Variants in L1TD1 observed in about 807,000 individuals in gnomAD.
The protein encoded by L1TD1 is LINE1 type transposase domain containing 1.
A neutral mutation model predicts 25.7 loss-of-function variants in L1TD1; 26 were observed. The observed-to-expected ratio is 1.01, with a 90% CI of 0.74 to 1.40. L1TD1 has a LOEUF of 1.40. Among genes scored for constraint, L1TD1 ranks in the 40% most tolerant of loss-of-function variants. L1TD1 has a pLI of 0.00. For missense variants in L1TD1, 1,130 were observed against 975.0 expected, an observed-to-expected ratio of 1.16 and a Z score of -2.12; for synonymous variants, 421 against 335.6, an observed-to-expected ratio of 1.25 and a Z score of -2.78.
chr1:62,203,387 C>T (rs1570924689), intron 2 of L1TD1, among the ~76,000 whole-genome samples: 1 of 152,132 alleles, frequency 6.6e-6, no homozygotes, highest in East Asian at 1.9e-4. Context: ...CATCCACCCA[C>T]CTACTACCCT....
rs1670847469 is a variant in L1TD1, at chr1:62,210,617, G to A, written c.1843G>A (p.Glu615Lys). The change falls in exon 4 of 4, where the codon GAA becomes AAA. Residue 615 changes from glutamate (E) to lysine (K), a missense_variant. Physicochemically the swap from Glu to Lys is moderately conservative, Grantham distance 56. Transcript: ENST00000498273. ...KEADLTEETE[E>K]NLRSSVINSI... The stretch of plus-strand genomic sequence containing the variant: ...AGCAGACTTAACAGAGGAAACAGAA[G>A]AAAACTTGAGAAGTAGTGTGATTAA... 1 of 1,599,168 alleles carries A rather than the reference G, an allele frequency of 6.3e-7. No homozygotes were observed. The highest frequency in any genetic ancestry group is 8.5e-7 in the Non-Finnish European group (1 of 1,172,164).
rs751577233 is a variant in L1TD1 at position 62,207,133 on chromosome 1, G to T, written c.505G>T (p.Glu169Ter). ...ACCCCAGGGTGAATCACGAAGTTAC[G>T]AAGTCATGGGAAGTATGGAAGAAAC... The part of the protein sequence containing the change: ...KLPQGESRSY[E>*]VMGSMEETLC... Residue 169 changes from glutamate (E) to a stop codon, truncating the protein, a stop_gained, in exon 3 of 4, where the codon GAA becomes TAA. Transcript: ENST00000498273. LOFTEE classifies it high-confidence loss of function. 1.1e-5 allele frequency: 17 copies of T among 1,578,898 alleles called. No homozygotes were observed. In the South Asian group the frequency reaches 1.9e-4, roughly 18 times the overall value.
At chr1:62,201,778 ACTCC>A (rs1421410207) in intron 2 of L1TD1, among the ~76,000 whole-genome samples, 1 of 152,100 alleles carries the variant, frequency 6.6e-6, no homozygotes, top group East Asian at 1.9e-4. Flanking sequence ...CATATTCAGT[ACTCC>A]CTGCATTTTA....
At position 62,209,812 on chromosome 1, in the gene L1TD1, A is replaced by G; in HGVS notation, c.1038A>G (p.Arg346=). The change falls in exon 4 of 4, where the codon AGA becomes AGG. Residue 346 remains arginine (R), a synonymous_variant. Transcript: ENST00000498273. ...RDKTLIDSKH[R]AGEITSDGLS... ...AAACCCTAATAGACTCAAAGCATAG[A>G]GCTGGAGAAATAACCAGTGATGGCT... 6.2e-7 allele frequency: 1 copy of G among 1,607,992 alleles called. No individual in the cohort carries two copies. Among genetic ancestry groups the G allele is most frequent in the Non-Finnish European group, 8.5e-7 (1 of 1,176,444 alleles).
chr1:62,204,537 T>C (rs1308426768), intron 2 of L1TD1, among the ~76,000 whole-genome samples: 2 of 152,236 alleles, frequency 1.3e-5, no homozygotes, highest in African/African-American at 2.4e-5. Flanking sequence ...TGCTATCCTT[T>C]TTCCTGATTC....
chr1:62,211,573 G>T lies in L1TD1; in HGVS notation c.*201G>T. The T allele has an allele frequency of 1.3e-6, 1 of 790,124 alleles. No individual in the cohort carries two copies. Among genetic ancestry groups the T allele is most frequent in the Non-Finnish European group, 1.8e-6 (1 of 554,836 alleles). The allele number at this position is 790,124 out of a possible 1,614,324, so 48.9% of individuals were successfully genotyped here. A position where few individuals can be genotyped will look rare whatever the true frequency, so the allele number is the denominator to read the frequency against. The stretch of plus-strand genomic sequence containing the variant: ...AAAAAAATAGGCTGGTCTCAATGTA[G>T]TGAGTTATTTCAGTTGATCACAGTC... On this transcript the variant is annotated 3_prime_UTR_variant, in exon 4 of 4. Transcript: ENST00000498273.
At chr1:62,195,188 G>A (rs919985218) in intron 1 of L1TD1, among the ~76,000 whole-genome samples, 11 of 147,254 alleles carry the variant, frequency 7.5e-5, no homozygotes, top group Non-Finnish European at 1.4e-4. Flanking sequence ...CGCGAAGGGC[G>A]CGGGGTGCCC....
intron 2 of L1TD1, among the ~76,000 whole-genome samples, chr1:62,198,852 T>A (rs543965473): frequency 6.6e-6 from 1 of 152,222 alleles, no homozygotes; most frequent in East Asian, 1.9e-4. Flanking sequence ...TCACTTTTTT[T>A]TTTTTGGCAG....
Position 62,199,931 on chromosome 1 carries a change from A to G in L1TD1, c.-111+3403A>G, listed in dbSNP as rs148659200. Among the ~76,000 whole-genome samples the G allele has an allele frequency of 6.4e-3, 967 of 152,224 alleles. 9 individuals are homozygous for G. The highest frequency in any genetic ancestry group is 0.022 in the African/African-American group (909 of 41,512). ...TTTGATTTGCATTCTCCTGACTAAT[A>G]TAATCTTTTTGTGTTTACTGTACAT... is the stretch of plus-strand genomic sequence containing the variant. On this transcript the variant is annotated intron_variant, in intron 2 of 3. Transcript: ENST00000498273.
intron 2 of L1TD1, among the ~76,000 whole-genome samples, chr1:62,197,397 T>TTTATATA (rs1269544269): frequency 1.1e-4 from 9 of 80,846 alleles, no homozygotes; most frequent in Non-Finnish European, 2.1e-4. Flanking sequence ...AAAAAATAAA[T>TTTATATA]TATATATATA....
intron 3 of L1TD1, among the ~76,000 whole-genome samples, chr1:62,208,953 C>T (rs1407965963): frequency 6.7e-6 from 1 of 148,286 alleles, no homozygotes; most frequent in East Asian, 2.0e-4. Flanking sequence ...AATTAGCTGC[C>T]TTCCAGTGTT....
chr1:62,209,690 A>G, intron 3 of L1TD1, 93 bp from the exon 4 acceptor site: 8 of 1,046,644 alleles, frequency 7.6e-6, no homozygotes, highest in Non-Finnish European at 1.1e-5. Flanking sequence ...AATTGAAGCC[A>G]TATTAAAATT....
chr1:62,205,437 A>ATTTTTTTTTTTTTTTTTTTTTTTT (rs1169759217), intron 2 of L1TD1, among the ~76,000 whole-genome samples: 1 of 42,460 alleles, frequency 2.4e-5, no homozygotes, highest in Non-Finnish European at 4.6e-5. Flanking sequence ...ATATATATAT[A>ATTTTTTTTTTTTTTTTTTTTTTTT]TATATATTTT....
At chr1:62,207,771 G>A in intron 3 of L1TD1, 135 bp downstream of exon 3, 1 of 1,118,988 alleles carries the variant, frequency 8.9e-7, no homozygotes, top group Non-Finnish European at 1.2e-6. Flanking sequence ...GGAGTGCAGT[G>A]GCACGATCTC....
chr1:62,203,518 G>A (rs539739918), intron 2 of L1TD1, among the ~76,000 whole-genome samples: 1 of 152,188 alleles, frequency 6.6e-6, no homozygotes, highest in Admixed American at 6.5e-5. Flanking sequence ...AGGTTCAAGT[G>A]ATTCTTATAC....
At chr1:62,206,406 ATTAAT>A (rs1353509007) in intron 2 of L1TD1, 108 bp from the exon 3 acceptor site, 1 of 275,588 alleles carries the variant, frequency 3.6e-6, no homozygotes, top group Admixed American at 5.3e-5. Context: ...TGAACTTTTT[ATTAAT>A]TTATTATGGA....
At chr1:62,200,883 TA>T (rs1353009326) in intron 2 of L1TD1, among the ~76,000 whole-genome samples, 1 of 152,182 alleles carries the variant, frequency 6.6e-6, no homozygotes, top group Admixed American at 6.5e-5. Flanking sequence ...TTGTCTTTCC[TA>T]AAAATATTTT....
chr1:62,210,818 A>G lies in L1TD1; in HGVS notation c.2044A>G (p.Lys682Glu), dbSNP rs1345506864. The G allele has an allele frequency of 6.5e-6, 10 of 1,549,626 alleles. No homozygotes were observed. The highest frequency in any genetic ancestry group is 8.7e-6 in the Non-Finnish European group (10 of 1,146,580). ...CTCTAAGGATACAATGCAAATGACC[A>G]AACAGATAATTAGTAAAGAAAGGCA... ...EFSKDTMQMT[K>E]QIISKERQRD... is the part of the protein sequence containing the mutation. Residue 682 changes from lysine to glutamate, a missense_variant, in exon 4 of 4, where the codon AAA becomes GAA. Transcript: ENST00000498273.
Position 62,210,717 on chromosome 1 carries a change from C to G in L1TD1, c.1943C>G (p.Ser648Ter). ...TCAGGTGTCTTGGAAATTGAAAATT[C>G]AGTAGATGATCTGAGTAGCAGAATG... ...SHSGVLEIEN[S>*]VDDLSSRMDI... is the part of the protein sequence containing the mutation. The change falls in exon 4 of 4, where the codon TCA becomes TGA. Residue 648 changes from serine to a stop codon, truncating the protein, a stop_gained. Transcript: ENST00000498273. LOFTEE classifies it low-confidence loss of function (END_TRUNC). 1 of 1,551,706 alleles carries G rather than the reference C, an allele frequency of 6.4e-7. No homozygotes were observed. The highest frequency in any genetic ancestry group is 8.7e-7 in the Non-Finnish European group (1 of 1,147,002).
Sources: gnomAD v4.1 joint callset for allele counts (sites outside exome capture counted in the v4.1 genomes callset) on GRCh38, gnomAD v4.1.1 for gene constraint, MANE v1.5 for transcripts, NCBI Gene and HGNC (gene_info 2026-07-23, HGNC 2026-07-21) for gene names.